The following GRID2 variants were observed in gnomAD, a reference collection of about 807,000 sequenced individuals.
GRID2 encodes glutamate receptor ionotropic, delta-2.
A neutral mutation model predicts 114.8 loss-of-function variants in GRID2; 33 were observed. The ratio of observed to expected loss-of-function variants is 0.29; its 90% CI spans 0.22 to 0.38. The LOEUF (loss-of-function observed/expected upper bound fraction) is 0.38, where lower values mean the gene tolerates loss of function less well. Among genes scored for constraint, GRID2 ranks in the 10% least tolerant of loss-of-function variants. The probability of loss-of-function intolerance (pLI) is 1.00; values close to 1 mark genes in which losing one functional copy is unlikely to be tolerated. For missense variants in GRID2, 1,184 were observed against 1,257.7 expected (o/e 0.94, Z 0.89); for synonymous variants, 505 against 449.9 (o/e 1.12, Z -1.55).
intron 8 of GRID2, among the ~76,000 whole-genome samples, chr4:93,281,071 C>T (rs1445475382): frequency 6.6e-6 from 1 of 151,648 alleles, no homozygotes; most frequent in Non-Finnish European, 1.5e-5. Flanking sequence ...ATATATGATA[C>T]ATTATACTAT....
chr4:92,640,258 C>G (rs545807186), intron 2 of GRID2, among the ~76,000 whole-genome samples: 1 of 151,836 alleles, frequency 6.6e-6, no homozygotes, highest in East Asian at 2.0e-4. Context: ...GGTATGCCAC[C>G]TTTATAGAGA....
chr4:93,216,702 A>G (rs1296536213), intron 5 of GRID2, 36 bp from the exon 6 acceptor site: 9 of 1,413,904 alleles, frequency 6.4e-6, no homozygotes, highest in African/African-American at 1.4e-5. Flanking sequence ...TGACTGTATT[A>G]AAGTATCTCT....
In GRID2 at chr4:92,306,290, TTAAG is replaced by T. The variant is rs1417434924; in HGVS notation, c.88+1552_88+1555del. Among the ~76,000 whole-genome samples, 10 of 152,224 alleles carry T rather than the reference TTAAG, an allele frequency of 6.6e-5. 1 individual carries two copies. The highest frequency in any genetic ancestry group is 2.2e-4 in the African/African-American group (9 of 41,440). On this transcript the variant is annotated intron_variant, in intron 1 of 15. Coordinates refer to ENST00000282020, the MANE Select transcript of GRID2 (RefSeq NM_001510.4). ...ATTCAGAAAACCTAGCGTTTGTGCA[TTAAG>T]TAAGTCAAGCACTAATAGCTTGCCT...
chr4:93,199,715 A>C (rs1741873371), intron 4 of GRID2, among the ~76,000 whole-genome samples: 1 of 152,178 alleles, frequency 6.6e-6, no homozygotes, highest in Admixed American at 6.5e-5. Context: ...AAATGCAAAC[A>C]AGACAGTCCT....
intron 1 of GRID2, among the ~76,000 whole-genome samples, chr4:92,482,669 C>G (rs2149106243): frequency 6.6e-6 from 1 of 152,152 alleles, no homozygotes; most frequent in East Asian, 1.9e-4. Flanking sequence ...TTGGTCTTAT[C>G]AAATCATATC....
At chr4:93,744,924 C>T (rs994515172) in intron 14 of GRID2, among the ~76,000 whole-genome samples, 2 of 152,202 alleles carry the variant, frequency 1.3e-5, no homozygotes, top group African/African-American at 4.8e-5. Flanking sequence ...GGGCAAGACT[C>T]TCCACTAGCA....
chr4:92,341,678 TGGGAGGCCGAGGC>T (rs1457914376), intron 1 of GRID2, among the ~76,000 whole-genome samples: 1 of 152,086 alleles, frequency 6.6e-6, no homozygotes. Context: ...CCCAGCACTT[TGGGAGGCCGAGGC>T]GGGCGGATCA....
rs1017801471 is a variant in GRID2 at position 93,212,146 on chromosome 4, G to A, written c.790-4592G>A. ...AAAAAAACCCTCAAAAGATGCAAAT[G>A]CCCGTTTTGGCTGAACGTGGAGAAC... On this transcript the variant is annotated intron_variant, in intron 5 of 15. Coordinates refer to ENST00000282020, the MANE Select transcript of GRID2 (RefSeq NM_001510.4). Among the ~76,000 whole-genome samples, 3 of 152,056 alleles carry A rather than the reference G, an allele frequency of 2.0e-5. No homozygotes were observed. In the South Asian group the frequency reaches 6.2e-4, roughly 32 times the overall value.
chr4:92,510,766 C>T (rs895621171), intron 1 of GRID2, among the ~76,000 whole-genome samples: 3 of 150,836 alleles, frequency 2.0e-5, no homozygotes, highest in Non-Finnish European at 3.0e-5. Context: ...AATGGATACC[C>T]GGATTACCCT....
intron 2 of GRID2, among the ~76,000 whole-genome samples, chr4:92,639,964 A>G (rs1042558299): frequency 5.9e-5 from 9 of 151,764 alleles, no homozygotes; most frequent in African/African-American, 1.9e-4. Flanking sequence ...GCCTTCTTGA[A>G]TCTTATGATT....
At chr4:92,685,505 G>A (rs1256327519) in intron 2 of GRID2, among the ~76,000 whole-genome samples, 1 of 151,984 alleles carries the variant, frequency 6.6e-6, no homozygotes, top group African/African-American at 2.4e-5. Context: ...TTAAAAAATA[G>A]ACAAAAGTTT....
At chr4:92,376,613 C>A (rs1729368265) in intron 1 of GRID2, among the ~76,000 whole-genome samples, 1 of 152,044 alleles carries the variant, frequency 6.6e-6, no homozygotes, top group African/African-American at 2.4e-5. Context: ...CCCCACATTT[C>A]CCTTCCACAC....
intron 2 of GRID2, among the ~76,000 whole-genome samples, chr4:92,939,126 T>A (rs896068923): frequency 1.4e-5 from 2 of 147,432 alleles, no homozygotes; most frequent in Admixed American, 7.3e-5. Flanking sequence ...TCTAGATCCA[T>A]GAGGAACTGC....
At chr4:93,073,313 A>G (rs1728972459) in intron 2 of GRID2, among the ~76,000 whole-genome samples, 1 of 152,214 alleles carries the variant, frequency 6.6e-6, no homozygotes, top group Non-Finnish European at 1.5e-5. Context: ...TCTTATAAAC[A>G]GATAATGTAA....
At chr4:93,427,087 G>A (rs1160150147) in intron 10 of GRID2, among the ~76,000 whole-genome samples, 1 of 151,814 alleles carries the variant, frequency 6.6e-6, no homozygotes, top group Non-Finnish European at 1.5e-5. Flanking sequence ...TCAAGTTAAG[G>A]GTACACAACA....
intron 2 of GRID2, among the ~76,000 whole-genome samples, chr4:92,947,830 A>G (rs1478236467): frequency 1.3e-5 from 2 of 151,892 alleles, no homozygotes; most frequent in African/African-American, 4.8e-5. Context: ...CAAGCTTTTA[A>G]TATCTGATAA....
chr4:93,135,812 CAGAA>C (rs1356127907), intron 4 of GRID2, among the ~76,000 whole-genome samples: 1 of 152,082 alleles, frequency 6.6e-6, no homozygotes, highest in Non-Finnish European at 1.5e-5. Context: ...ATGTGAATTT[CAGAA>C]AGAAGTCATG....
At chr4:93,767,009 G>T (rs761436506) in intron 14 of GRID2, among the ~76,000 whole-genome samples, 20 of 152,192 alleles carry the variant, frequency 1.3e-4, no homozygotes, top group Non-Finnish European at 2.5e-4. Flanking sequence ...TTGATACCAT[G>T]ATTACATCTT....
At chr4:92,765,344 T>G (rs575530986) in intron 2 of GRID2, among the ~76,000 whole-genome samples, 91 of 152,280 alleles carry the variant, frequency 6.0e-4, no homozygotes, top group African/African-American at 2.0e-3. Context: ...CTGAGAACTA[T>G]TTTTCATTAA....
Sources: allele counts gnomAD v4.1 joint callset (sites outside exome capture counted in the v4.1 genomes callset), GRCh38; gene constraint gnomAD v4.1.1; transcripts MANE v1.5; gene names NCBI Gene and HGNC (gene_info 2026-07-23, HGNC 2026-07-21).